Variants in CCDC40 observed in about 807,000 individuals in gnomAD.
The protein encoded by CCDC40 is coiled-coil domain-containing protein 40.
Under a neutral mutation model 124.5 loss-of-function variants are expected in CCDC40, and 104 were observed. The ratio of observed to expected loss-of-function variants is 0.84; its 90% CI spans 0.71 to 0.98. CCDC40 has a LOEUF of 0.98. CCDC40 is among the 50% of genes least tolerant of loss of function. The pLI, the probability that CCDC40 is intolerant of heterozygous loss-of-function variation, is 0.00. For synonymous variants in CCDC40, 580 were observed against 602.9 expected (o/e 0.96, Z 0.56); for missense variants, 1,463 against 1,503.9 (o/e 0.97, Z 0.45).
At chr17:80,045,653 G>A (rs753060571) in intron 3 of CCDC40, among the ~76,000 whole-genome samples, 5 of 152,008 alleles carry the variant, frequency 3.3e-5, no homozygotes, top group Non-Finnish European at 7.4e-5. Context: ...GCAGTGAGCC[G>A]AGATGGTGCC....
intron 2 of CCDC40, 80 bp downstream of exon 2, chr17:80,038,266 C>A (rs2037180916): frequency 3.1e-6 from 3 of 978,804 alleles, no homozygotes; most frequent in Non-Finnish European, 4.8e-6. Flanking sequence ...CACTGTGGCT[C>A]ACGCCTGTAA....
intron 9 of CCDC40, among the ~76,000 whole-genome samples, chr17:80,065,082 C>T (rs952769379): frequency 1.3e-5 from 1 of 79,460 alleles, no homozygotes; most frequent in Non-Finnish European, 2.5e-5. Flanking sequence ...CTCCCTCTTT[C>T]ATCTCCTCCC....
intron 10 of CCDC40, among the ~76,000 whole-genome samples, chr17:80,075,242 G>A (rs1008443259): frequency 6.8e-6 from 1 of 146,678 alleles, no homozygotes; most frequent in African/African-American, 2.7e-5. Flanking sequence ...TGGGATTACA[G>A]GCATGAGCCA....
chr17:80,067,126 T>C (rs1468888704), intron 10 of CCDC40: 4 of 175,194 alleles, frequency 2.3e-5, no homozygotes, highest in Non-Finnish European at 4.8e-5. Context: ...CCGAGGCTCA[T>C]GGCCTGTGAA....
Position 80,099,648 on chromosome 17 carries a change from A to T in CCDC40, c.3302A>T (p.Asp1101Val), listed in dbSNP as rs775186766. 3 of 1,613,920 alleles carry T rather than the reference A, an allele frequency of 1.9e-6. No homozygotes were observed. In the Admixed American group the frequency reaches 5.0e-5, roughly 27 times the overall value. Reference sequence around the variant, plus strand: ...CTAGTGCTGGAGCGCCAGCGCCTGGACAAGCGACTGGCTCTCATCGCCACC... The same window carrying T: ...CTAGTGCTGGAGCGCCAGCGCCTGGTCAAGCGACTGGCTCTCATCGCCACC... ...QSLVLERQRLDKRLALIATIL... is the reference protein window; with the variant it reads ...QSLVLERQRLVKRLALIATIL... Residue 1101 changes from aspartate to valine, a missense_variant, in exon 20 of 20, where the codon GAC becomes GTC. Transcript: ENST00000397545.
intron 10 of CCDC40, among the ~76,000 whole-genome samples, chr17:80,074,472 G>A (rs774940001): frequency 3.9e-5 from 6 of 152,130 alleles, no homozygotes; most frequent in South Asian, 4.1e-4. Flanking sequence ...GCAACAGAGC[G>A]AGACTCTGTC....
In CCDC40 at chr17:80,089,807, G is replaced by C. The variant is rs1350400168; in HGVS notation, c.2755G>C (p.Glu919Gln). 1.2e-6 allele frequency: 2 copies of C among 1,614,156 alleles called. No homozygotes were observed. Among genetic ancestry groups the C allele is most frequent in the Non-Finnish European group, 8.5e-7 (1 of 1,180,048 alleles). Residue 919 changes from glutamate to glutamine, a missense_variant, in exon 17 of 20, where the codon GAG becomes CAG. Coordinates refer to ENST00000397545, the MANE Select transcript of CCDC40 (RefSeq NM_017950.4). ...GGAGAAAAAAATCCAACTGGCAAAA[G>C]AGATGCGTTCCTCAGTGGATTCCGA... ...LWEKKIQLAK[E>Q]MRSSVDSEIG...
At chr17:80,040,681 A>AT (rs1312396710) in intron 3 of CCDC40, 1 of 126,242 alleles carries the variant, frequency 7.9e-6, no homozygotes, top group Non-Finnish European at 1.8e-5. Context: ...CTTGTCTCAA[A>AT]AAAAAAAAAA....
At position 80,087,467 on chromosome 17, in the gene CCDC40, G is replaced by T. The variant is rs893982156; in HGVS notation, c.2450-140G>T. 8.4e-6 allele frequency: 6 copies of T among 717,358 alleles called. No individual in the cohort carries two copies. Among genetic ancestry groups the T allele is most frequent in the Non-Finnish European group, 1.3e-5 (5 of 393,048 alleles). 44.4% of individuals were successfully genotyped at this position (717,358 alleles called of 1,614,324 possible). A position where few individuals can be genotyped will look rare whatever the true frequency, so the allele number is the denominator to read the frequency against. On this transcript the variant is annotated intron_variant, in intron 14 of 19. Transcript: ENST00000397545. This position sits in a 1 kb window ranked among gnomAD's most constrained non-coding sequence, Gnocchi z 4.5. Reference sequence around the variant, plus strand: ...GCAGGGACGAGATTCAGGCAGGAGCGCCAGGAACGACAAGAGGGAGGGGAT... The same window carrying T: ...GCAGGGACGAGATTCAGGCAGGAGCTCCAGGAACGACAAGAGGGAGGGGAT...
At chr17:80,050,700 TC>T (rs1175422314) in intron 7 of CCDC40, among the ~76,000 whole-genome samples, 1 of 152,202 alleles carries the variant, frequency 6.6e-6, no homozygotes, top group East Asian at 1.9e-4. Context: ...TGCCTCGGCC[TC>T]CCAAAATGCT....
intron 10 of CCDC40, 153 bp from the exon 11 acceptor site, chr17:80,081,393 A>AATAAATAAATAAATAAATAAATAAATAC (rs1363953679): frequency 7.8e-6 from 4 of 510,816 alleles, no homozygotes; most frequent in Non-Finnish European, 1.4e-5. Flanking sequence ...TCAAAAAATA[A>AATAAATAAATAAATAAATAAATAAATAC]ATAAATAAAT....
intron 18 of CCDC40, 131 bp from the exon 19 acceptor site, chr17:80,097,114 C>A: frequency 1.0e-6 from 1 of 996,332 alleles, no homozygotes. Flanking sequence ...TCCAGCCCTC[C>A]CATTCCTCTT....
In CCDC40 at chr17:80,058,995, C is replaced by G; in HGVS notation, c.1440+15C>G. The G allele has an allele frequency of 6.2e-7, 1 of 1,614,146 alleles. No individual in the cohort carries two copies. The highest frequency in any genetic ancestry group is 8.5e-7 in the Non-Finnish European group (1 of 1,180,014). The stretch of plus-strand genomic sequence containing the variant: ...CAGTGAGTGAGGTAAAAGCAGTCCC[C>G]GCAGCTCTCAGTGTTCGACCCTCCA... On this transcript the variant is annotated intron_variant, in intron 9 of 19. Coordinates refer to ENST00000397545, the MANE Select transcript of CCDC40 (RefSeq NM_017950.4). The surrounding 1 kb of genome is among the most constrained non-coding windows in gnomAD (Gnocchi z 4.2).
Position 80,038,175 on chromosome 17 carries a change from G to A in CCDC40, c.82G>A (p.Glu28Lys), listed in dbSNP as rs778976950. 22 of 1,605,358 alleles carry A rather than the reference G, an allele frequency of 1.4e-5. No homozygotes were observed. The highest frequency in any genetic ancestry group is 1.8e-5 in the Non-Finnish European group (21 of 1,172,512). The change falls in exon 2 of 20, where the codon GAA becomes AAA. Residue 28 changes from glutamate (E) to lysine (K), a missense_variant. Physicochemically the swap from Glu to Lys is moderately conservative, Grantham distance 56. Coordinates refer to ENST00000397545, the MANE Select transcript of CCDC40 (RefSeq NM_017950.4). Reference sequence around the variant, plus strand: ...TGAGGGAGAGAAGGAAGGGAATAATGAAAGCCACATGGTAAAATTCCCTAT... The same window carrying A: ...TGAGGGAGAGAAGGAAGGGAATAATAAAAGCCACATGGTAAAATTCCCTAT... Reference protein sequence around the residue: ...ASEGEKEGNNESHMVSPPEKD... With the variant: ...ASEGEKEGNNKSHMVSPPEKD...
intron 3 of CCDC40, among the ~76,000 whole-genome samples, chr17:80,041,463 G>T (rs1035434445): frequency 6.6e-5 from 10 of 150,976 alleles, no homozygotes; most frequent in African/African-American, 2.2e-4. Flanking sequence ...AGCCGAGATC[G>T]CACCCCTGTA....
rs2038792493 is a variant in CCDC40, at chr17:80,095,441, A to G, written c.3011A>G (p.Asp1004Gly). 1 of 1,614,048 alleles carries G rather than the reference A, an allele frequency of 6.2e-7. No individual in the cohort carries two copies. The highest frequency in any genetic ancestry group is 1.3e-5 in the African/African-American group (1 of 74,948). The change falls in exon 18 of 20, where the codon GAC (aspartate) becomes GGC (glycine). Residue 1004 changes from aspartate (D) to glycine (G), a missense_variant. Transcript: ENST00000397545. Reference sequence around the variant, plus strand: ...CTTGAGCTGCGCCGGAAAATCAGGGACGTTCGCAAGGTAGGGAGCAGCGGA... The same window carrying G: ...CTTGAGCTGCGCCGGAAAATCAGGGGCGTTCGCAAGGTAGGGAGCAGCGGA... ...KQLELRRKIR[D>G]VRKATDECTK...
At position 80,086,281 on chromosome 17, in the gene CCDC40, CA is replaced by C. The variant is rs931987693; in HGVS notation, c.2449+66del. On this transcript the variant is annotated intron_variant, in intron 14 of 19. Transcript: ENST00000397545. This position sits in a 1 kb window ranked among gnomAD's most constrained non-coding sequence, Gnocchi z 5.5. ...CGAGCTCTGGGACGTGGGCACCTCC[CA>C]GGGGAGGGGCACTCAGTGGGGCACG... is the stretch of plus-strand genomic sequence containing the variant. 77 of 1,384,164 alleles carry C rather than the reference CA, an allele frequency of 5.6e-5. No individual in the cohort carries two copies. In the African/African-American group the frequency reaches 1.1e-3, roughly 19 times the overall value. 85.7% of individuals were successfully genotyped at this position (1,384,164 alleles called of 1,614,324 possible). A position where few individuals can be genotyped will look rare whatever the true frequency, so the allele number is the denominator to read the frequency against.
chr17:80,055,636 C>T (rs890648466), intron 7 of CCDC40, among the ~76,000 whole-genome samples: 12 of 152,074 alleles, frequency 7.9e-5, no homozygotes, highest in Non-Finnish European at 4.4e-5. Context: ...CGTTACCCTC[C>T]GTGGTGAGAT....
chr17:80,100,005 G>C lies in CCDC40; in HGVS notation c.*230G>C. ...CCCATGGCATCCCATCGCAAAGACAGAGCCTGTGACTGCAGACCCACACAC... is the reference window on the plus strand; with the variant it reads ...CCCATGGCATCCCATCGCAAAGACACAGCCTGTGACTGCAGACCCACACAC... On this transcript the variant is annotated 3_prime_UTR_variant, in exon 20 of 20. Transcript: ENST00000397545. The C allele has an allele frequency of 1.8e-6, 1 of 569,610 alleles. No homozygotes were observed. Among genetic ancestry groups the C allele is most frequent in the Non-Finnish European group, 3.1e-6 (1 of 319,458 alleles). The allele number at this position is 569,610 out of a possible 1,614,324, so 35.3% of individuals were successfully genotyped here.
Sources: allele counts gnomAD v4.1 joint callset (sites outside exome capture counted in the v4.1 genomes callset), GRCh38; gene constraint gnomAD v4.1.1; non-coding constraint Gnocchi (gnomAD v3.1); transcripts MANE v1.5; gene names NCBI Gene and HGNC (gene_info 2026-07-23, HGNC 2026-07-21).